The following TRIM9 variants were observed in gnomAD, a reference collection of about 807,000 sequenced individuals.
The protein encoded by TRIM9 is E3 ubiquitin-protein ligase TRIM9.
A neutral mutation model predicts 78.3 loss-of-function variants in TRIM9; 26 were observed. The observed-to-expected ratio is 0.33, with a 90% confidence interval of 0.24 to 0.46. TRIM9 has a LOEUF of 0.46. Ranked by LOEUF, TRIM9 falls within the 20% of genes least tolerant of loss-of-function variation. The pLI is 1.00. For synonymous variants in TRIM9, 398 were observed against 416.5 expected (o/e 0.96, Z 0.54); for missense variants, 787 against 1,036.4 (o/e 0.76, Z 3.30).
intron 7 of TRIM9, chr14:50,996,117 G>C: frequency 1.0e-6 from 1 of 985,330 alleles, no homozygotes; most frequent in Non-Finnish European, 1.2e-6. Context: ...AATTACTTCT[G>C]TGCAGTAACA....
At chr14:51,063,481 C>CAAG (rs60781680) in intron 1 of TRIM9, among the ~76,000 whole-genome samples, 75,016 of 151,322 alleles carry the variant, frequency 0.5, 19,035 homozygotes, top group African/African-American at 0.58. Flanking sequence ...ATTATAAATC[C>CAAG]AAGTTCACTG....
At chr14:51,077,386 G>GTTTTTTTT (rs146912763) in intron 1 of TRIM9, among the ~76,000 whole-genome samples, 16 of 97,736 alleles carry the variant, frequency 1.6e-4, no homozygotes, top group Admixed American at 4.0e-4. Flanking sequence ...CTCCAATTCT[G>GTTTTTTTT]TTTTTTTTTT....
At chr14:50,996,017 C>T (rs1399338948) in intron 7 of TRIM9, 10 of 844,486 alleles carry the variant, frequency 1.2e-5, no homozygotes, top group Non-Finnish European at 1.4e-5. Context: ...AATCTTGTCT[C>T]ACTGAATGTA....
chr14:51,061,860 A>T (rs1046899664), intron 1 of TRIM9, among the ~76,000 whole-genome samples: 31 of 152,150 alleles, frequency 2.0e-4, no homozygotes, highest in Admixed American at 1.6e-3. Context: ...CCAAGCCATC[A>T]TATCTTCAAA....
At chr14:51,009,058 C>T (rs747174269) in intron 5 of TRIM9, 22 bp downstream of exon 5, 3 of 1,612,382 alleles carry the variant, frequency 1.9e-6, no homozygotes, top group Non-Finnish European at 2.5e-6. Flanking sequence ...TGCTCTCTGA[C>T]TTGGGGGATG....
chr14:51,072,396 G>C (rs182852744), intron 1 of TRIM9, among the ~76,000 whole-genome samples: 4 of 152,158 alleles, frequency 2.6e-5, no homozygotes, highest in Admixed American at 6.5e-5. Context: ...TTCTTGCATA[G>C]AATCAGTTAT....
At chr14:51,032,560 T>A (rs1041800745) in intron 1 of TRIM9, among the ~76,000 whole-genome samples, 2 of 152,226 alleles carry the variant, frequency 1.3e-5, no homozygotes, top group Non-Finnish European at 2.9e-5. Flanking sequence ...CTAGAACTTG[T>A]AGTAGGATTG....
chr14:51,002,359 C>T (rs186018247), intron 5 of TRIM9, among the ~76,000 whole-genome samples: 1 of 151,864 alleles, frequency 6.6e-6, no homozygotes, highest in African/African-American at 2.4e-5. Flanking sequence ...TGGTCTCGAT[C>T]TACTGACCTC....
chr14:50,980,369 T>C (rs1176066238), intron 11 of TRIM9, among the ~76,000 whole-genome samples: 1 of 152,214 alleles, frequency 6.6e-6, no homozygotes, highest in African/African-American at 2.4e-5. Context: ...TCTTTCCCAT[T>C]TTTTTGAGAT....
At chr14:51,018,365 C>T (rs751413250) in intron 3 of TRIM9, among the ~76,000 whole-genome samples, 20 of 151,624 alleles carry the variant, frequency 1.3e-4, no homozygotes, top group Non-Finnish European at 2.4e-4. Flanking sequence ...CTCCCTCCCC[C>T]CTTTCTTTCT....
At chr14:51,036,258 T>C (rs1214216911) in intron 1 of TRIM9, among the ~76,000 whole-genome samples, 1 of 152,228 alleles carries the variant, frequency 6.6e-6, no homozygotes, top group African/African-American at 2.4e-5. Context: ...AACTATGTAT[T>C]TACACCATAG....
At chr14:51,047,795 C>G (rs1259120157) in intron 1 of TRIM9, among the ~76,000 whole-genome samples, 1 of 152,146 alleles carries the variant, frequency 6.6e-6, no homozygotes, top group East Asian at 1.9e-4. Context: ...ATTGGGGGAA[C>G]ACACAACTTT....
chr14:50,998,867 A>G (rs1388224227), intron 6 of TRIM9, among the ~76,000 whole-genome samples: 1 of 152,226 alleles, frequency 6.6e-6, no homozygotes, highest in Non-Finnish European at 1.5e-5. Flanking sequence ...ACATTGCAAA[A>G]TTATGCTGAT....
chr14:51,064,645 G>A (rs1277131745), intron 1 of TRIM9, among the ~76,000 whole-genome samples: 2 of 151,662 alleles, frequency 1.3e-5, no homozygotes, highest in African/African-American at 4.8e-5. Context: ...ACAAACTACT[G>A]ACAACAAGAA....
At chr14:51,094,023 TG>T (rs2140401746) in intron 1 of TRIM9, 94 bp downstream of exon 1, 2 of 1,302,308 alleles carry the variant, frequency 1.5e-6, no homozygotes, top group Non-Finnish European at 2.1e-6. Context: ...GCGCCCCCAC[TG>T]GGATGCGCTG....
At chr14:51,048,528 A>T (rs1596263617) in intron 1 of TRIM9, among the ~76,000 whole-genome samples, 2 of 152,206 alleles carry the variant, frequency 1.3e-5, no homozygotes, top group Non-Finnish European at 2.9e-5. Flanking sequence ...TAGTGACATA[A>T]AGGCCAATAT....
At chr14:51,065,850 G>A (rs536721454) in intron 1 of TRIM9, among the ~76,000 whole-genome samples, 1 of 151,882 alleles carries the variant, frequency 6.6e-6, no homozygotes, top group African/African-American at 2.4e-5. Flanking sequence ...ACTTGAAGAG[G>A]GTGCTTTGAC....
chr14:50,985,772 C>T (rs1038495081), intron 8 of TRIM9, among the ~76,000 whole-genome samples, 184 bp downstream of exon 8: 1 of 152,232 alleles, frequency 6.6e-6, no homozygotes. Context: ...GCTCCTTCCA[C>T]CACACAAACA....
intron 5 of TRIM9, among the ~76,000 whole-genome samples, chr14:51,002,453 G>C (rs2055206601): frequency 6.6e-6 from 1 of 152,098 alleles, no homozygotes. Context: ...GTTTTTGCCA[G>C]CTGCTTAAAA....
Sources: allele counts gnomAD v4.1 joint callset (sites outside exome capture counted in the v4.1 genomes callset), GRCh38; gene constraint gnomAD v4.1.1; transcripts MANE v1.5; gene names NCBI Gene and HGNC (gene_info 2026-07-23, HGNC 2026-07-21).